The following TRPC4 variants were observed in gnomAD, a reference collection of about 807,000 sequenced individuals.
TRPC4 encodes the protein short transient receptor potential channel 4.
Under a neutral mutation model 99.4 loss-of-function variants are expected in TRPC4, and 49 were observed. The ratio of observed to expected loss-of-function variants is 0.49; its 90% CI spans 0.39 to 0.63. The LOEUF is 0.63. TRPC4 is among the 20% of genes least tolerant of loss of function. TRPC4 has a pLI of 0.00. For synonymous variants in TRPC4, 454 were observed against 425.9 expected, an observed-to-expected ratio of 1.07 and a Z score of -0.81; for missense variants, 898 against 1,152.9, an observed-to-expected ratio of 0.78 and a Z score of 3.20.
intron 8 of TRPC4, among the ~76,000 whole-genome samples, chr13:37,645,899 A>G (rs763210339): frequency 6.6e-5 from 10 of 152,256 alleles, no homozygotes; most frequent in Non-Finnish European, 1.3e-4. Context: ...CTGGGGAAAT[A>G]AAGTTTCATC....
intron 1 of TRPC4, among the ~76,000 whole-genome samples, chr13:37,796,286 C>G (rs1957242102): frequency 6.6e-6 from 1 of 152,180 alleles, no homozygotes; most frequent in South Asian, 2.1e-4. Context: ...CCTGTATGAA[C>G]TCAATGAATC....
At chr13:37,818,247 T>C (rs1365033837) in intron 1 of TRPC4, among the ~76,000 whole-genome samples, 4 of 151,940 alleles carry the variant, frequency 2.6e-5, no homozygotes, top group African/African-American at 7.3e-5. Context: ...AAAATTACAA[T>C]GAGATACCAT....
At chr13:37,637,782 G>T (rs1474868454) in intron 10 of TRPC4, among the ~76,000 whole-genome samples, 157 bp from the exon 11 acceptor site, 1 of 152,020 alleles carries the variant, frequency 6.6e-6, no homozygotes, top group East Asian at 1.9e-4. Flanking sequence ...GTTCTCTCAC[G>T]GATACTTGAT....
At chr13:37,732,215 G>A (rs1200900575) in intron 3 of TRPC4, among the ~76,000 whole-genome samples, 6 of 152,250 alleles carry the variant, frequency 3.9e-5, no homozygotes, top group Middle Eastern at 6.8e-3. Flanking sequence ...TGTGGTAAAT[G>A]TACATGCTCT....
At chr13:37,741,750 C>G (rs1248534302) in intron 3 of TRPC4, among the ~76,000 whole-genome samples, 1 of 152,006 alleles carries the variant, frequency 6.6e-6, no homozygotes, top group African/African-American at 2.4e-5. Context: ...CAAAACTAGG[C>G]TAGCAGCGTC....
intron 3 of TRPC4, among the ~76,000 whole-genome samples, chr13:37,705,635 C>T (rs1056001791): frequency 6.6e-6 from 1 of 152,096 alleles, no homozygotes; most frequent in East Asian, 1.9e-4. Flanking sequence ...CTAGGCCTAA[C>T]TCAAATCAGT....
intron 1 of TRPC4, among the ~76,000 whole-genome samples, chr13:37,852,290 T>C (rs1483711504): frequency 6.6e-6 from 1 of 152,152 alleles, no homozygotes; most frequent in Non-Finnish European, 1.5e-5. Context: ...GGATACCTAC[T>C]CAGCCACAGT....
chr13:37,729,027 T>C (rs1442234163), intron 3 of TRPC4, among the ~76,000 whole-genome samples: 1 of 152,060 alleles, frequency 6.6e-6, no homozygotes, highest in Non-Finnish European at 1.5e-5. Flanking sequence ...TAACTCAAAA[T>C]GAATCAAAGA....
intron 8 of TRPC4, among the ~76,000 whole-genome samples, chr13:37,645,166 T>C (rs1354848755): frequency 6.6e-6 from 1 of 151,986 alleles, no homozygotes; most frequent in Non-Finnish European, 1.5e-5. Flanking sequence ...GTTGCCACAT[T>C]AGCATAATTC....
At chr13:37,713,180 T>G (rs1275230289) in intron 3 of TRPC4, among the ~76,000 whole-genome samples, 1 of 152,150 alleles carries the variant, frequency 6.6e-6, no homozygotes, top group Non-Finnish European at 1.5e-5. Flanking sequence ...GTGGTATTGA[T>G]TGGGCCTTCC....
At chr13:37,827,392 A>G (rs1378544549) in intron 1 of TRPC4, among the ~76,000 whole-genome samples, 1 of 151,760 alleles carries the variant, frequency 6.6e-6, no homozygotes, top group African/African-American at 2.4e-5. Flanking sequence ...TTTTTTCCCT[A>G]TCTTGTGGTT....
At chr13:37,850,891 G>C (rs1011710469) in intron 1 of TRPC4, among the ~76,000 whole-genome samples, 1 of 152,118 alleles carries the variant, frequency 6.6e-6, no homozygotes, top group Admixed American at 6.6e-5. Context: ...ACAAGAACAC[G>C]TAATTCCCAC....
At chr13:37,670,307 C>A (rs1952795607) in intron 5 of TRPC4, among the ~76,000 whole-genome samples, 1 of 152,156 alleles carries the variant, frequency 6.6e-6, no homozygotes, top group Admixed American at 6.5e-5. Flanking sequence ...GGTTCTTTTT[C>A]TGAAAAGAAC....
intron 7 of TRPC4, among the ~76,000 whole-genome samples, chr13:37,651,862 T>C (rs1767067329): frequency 6.6e-6 from 1 of 152,238 alleles, no homozygotes; most frequent in Admixed American, 6.5e-5. Context: ...AGATTAATGC[T>C]ACCTCCACAG....
intron 5 of TRPC4, among the ~76,000 whole-genome samples, chr13:37,673,179 A>G (rs1207369743): frequency 1.4e-5 from 2 of 144,048 alleles, no homozygotes; most frequent in African/African-American, 5.2e-5. Context: ...CCCACCTATG[A>G]GTGAGAACAT....
At chr13:37,834,809 T>C (rs534165466) in intron 1 of TRPC4, among the ~76,000 whole-genome samples, 1 of 152,196 alleles carries the variant, frequency 6.6e-6, no homozygotes, top group Admixed American at 6.5e-5. Context: ...CTCACTGTAA[T>C]CTCTGCCTCC....
At chr13:37,657,520 A>T (rs1952277743) in intron 6 of TRPC4, among the ~76,000 whole-genome samples, 1 of 152,230 alleles carries the variant, frequency 6.6e-6, no homozygotes, top group African/African-American at 2.4e-5. Flanking sequence ...CTTTCCAAAT[A>T]GTTTATGTTC....
At position 37,652,908 on chromosome 13, in the gene TRPC4, G is replaced by T. The variant is rs1570609; in HGVS notation, c.1885-1449C>A. On this transcript the variant is annotated intron_variant, in intron 7 of 10. Coordinates refer to ENST00000379705, the MANE Select transcript of TRPC4 (RefSeq NM_016179.4). ...TAAGAGGGTCTATAACATAGTCTAT[G>T]GTGCTTAGAAAATCTGGAGATAAAA... 1.2e-3 allele frequency among the ~76,000 whole-genome samples: 183 copies of T among 151,932 alleles called. 2 individuals are homozygous for T. The East Asian group carries it at 0.027, about 22-fold the overall frequency.
chr13:37,692,199 A>C lies in TRPC4; in HGVS notation c.1034T>G (p.Val345Gly), dbSNP rs773676374. The C allele has an allele frequency of 6.2e-7, 1 of 1,614,156 alleles. No individual in the cohort carries two copies. Among genetic ancestry groups the C allele is most frequent in the African/African-American group, 1.3e-5 (1 of 75,038 alleles). Residue 345 changes from valine to glycine, a missense_variant, in exon 4 of 11, where the codon GTG becomes GGG. By Grantham distance (109) the Val-to-Gly change is moderately radical. Transcript: ENST00000379705. ...GCTTTTGGGAGCTATCAGGTAGCAC[A>C]CAGAGAAGACAGGAAAAAGAAGTCC... The part of the protein sequence containing the change: ...IIGLLFPVFS[V>G]CYLIAPKSPL...
Sources: gnomAD v4.1 joint callset for allele counts (sites outside exome capture counted in the v4.1 genomes callset) on GRCh38, gnomAD v4.1.1 for gene constraint, MANE v1.5 for transcripts, NCBI Gene and HGNC (gene_info 2026-07-23, HGNC 2026-07-21) for gene names.